Variants in ETS1 observed in about 807,000 individuals in gnomAD.
ETS1 encodes the protein ETS proto-oncogene 1, transcription factor.
ETS1 carries 15 observed loss-of-function variants against 58.6 expected under a neutral mutation model. The ratio of observed to expected loss-of-function variants is 0.26; its 90% confidence interval spans 0.17 to 0.39. The LOEUF (loss-of-function observed/expected upper bound fraction) is 0.39. Among genes scored for constraint, ETS1 ranks in the 10% least tolerant of loss-of-function variants. The pLI is 1.00. For synonymous variants in ETS1, 214 were observed against 218.2 expected, an observed-to-expected ratio of 0.98 and a Z score of 0.17; for missense variants, 417 against 610.5, an observed-to-expected ratio of 0.68 and a Z score of 3.34.
chr11:128,550,387 T>C (rs1423986865), intron 3 of ETS1, among the ~76,000 whole-genome samples: 2 of 152,188 alleles, frequency 1.3e-5, no homozygotes, highest in African/African-American at 4.8e-5. Context: ...CCACAGCTGA[T>C]CAGAGGCATG....
rs1282118020 is a variant in ETS1 at position 128,473,960 on chromosome 11, A to C, written c.1123+6231T>G. Among the ~76,000 whole-genome samples the C allele has an allele frequency of 2.0e-5, 3 of 152,256 alleles. No homozygotes were observed. The East Asian group carries it at 5.8e-4, about 29-fold the overall frequency. On this transcript the variant is annotated intron_variant, in intron 8 of 9. Transcript: ENST00000392668. ...GCAGCACGCTGGCTGCATTCTGCTCAGTGGAAACATTTTGCTTCCTCCAAA... is the reference window on the plus strand; with the variant it reads ...GCAGCACGCTGGCTGCATTCTGCTCCGTGGAAACATTTTGCTTCCTCCAAA...
chr11:128,539,233 C>T (rs111911882), intron 3 of ETS1, among the ~76,000 whole-genome samples: 1,726 of 152,280 alleles, frequency 0.011, 28 homozygotes, highest in African/African-American at 0.04. Context: ...TATGGTGCTG[C>T]AAATTCTAAA....
In ETS1 at chr11:128,484,839, C is replaced by T. The variant is rs1862582056; in HGVS notation, c.846G>A (p.Met282Ile). ...ATGACCTACCACGACTGGTCCTCCC[C>T]ATGCACATGTTGTCTGGGGTGACGA... is the stretch of plus-strand genomic sequence containing the variant. ...QEVVTPDNMC[M>I]GRTSRGKLGG... The change falls in exon 7 of 10, where the codon ATG (methionine) becomes ATA (isoleucine). Residue 282 changes from methionine (M) to isoleucine (I), a missense_variant. Met to Ile is a conservative substitution (Grantham distance 10). Around this residue, in one of 4 missense-constraint regions of ETS1, gnomAD observed 139 missense variants for 152.1 expected, o/e 0.91. Transcript: ENST00000392668. 6.2e-7 allele frequency: 1 copy of T among 1,613,882 alleles called. No individual in the cohort carries two copies. Among genetic ancestry groups the T allele is most frequent in the African/African-American group, 1.3e-5 (1 of 74,920 alleles).
chr11:128,482,594 C>T (rs899888367), intron 7 of ETS1, among the ~76,000 whole-genome samples: 1 of 152,266 alleles, frequency 6.6e-6, no homozygotes, highest in South Asian at 2.1e-4. Context: ...GCAAATGCAA[C>T]CCTGTTGAGA....
At chr11:128,559,297 G>A (rs1331038823) in intron 2 of ETS1, among the ~76,000 whole-genome samples, 1 of 152,210 alleles carries the variant, frequency 6.6e-6, no homozygotes, top group African/African-American at 2.4e-5. Flanking sequence ...GGACAGAGAA[G>A]GTAGATAATC....
At position 128,480,347 on chromosome 11, in the gene ETS1, G is replaced by A. The variant is rs1407325737; in HGVS notation, c.967C>T (p.Arg323Cys). ...SSQSSFNSLQ[R>C]VPSYDSFDSE... ...TCGAAGCTGTCATAGGAGGGAACAC[G>A]CTGCAGGCTGTTGAAAGATGACTGG... The change falls in exon 8 of 10, where the codon CGT becomes TGT. Residue 323 changes from arginine to cysteine, a missense_variant. Physicochemically the swap from Arg to Cys is radical, Grantham distance 180. Transcript: ENST00000392668. The A allele has an allele frequency of 3.7e-6, 6 of 1,614,110 alleles. No homozygotes were observed. Among genetic ancestry groups the A allele is most frequent in the Non-Finnish European group, 5.1e-6 (6 of 1,179,990 alleles).
intron 2 of ETS1, among the ~76,000 whole-genome samples, chr11:128,559,134 T>G (rs1864363618): frequency 6.6e-6 from 1 of 152,186 alleles, no homozygotes; most frequent in Admixed American, 6.5e-5. Context: ...AGACAGGTAG[T>G]TTGTTACAGG....
At chr11:128,490,691 T>A in intron 3 of ETS1, 115 bp from the exon 4 acceptor site, 10 of 653,766 alleles carry the variant, frequency 1.5e-5, no homozygotes, top group Non-Finnish European at 2.3e-5. Flanking sequence ...GCTAGCATCC[T>A]CACCAGAGCA....
At chr11:128,489,250 C>G (rs1301879158) in intron 5 of ETS1, 40 bp downstream of exon 5, 2 of 1,581,098 alleles carry the variant, frequency 1.3e-6, no homozygotes, top group Non-Finnish European at 1.7e-6. Context: ...TCACAGCAAC[C>G]CCACATAACC....
chr11:128,570,575 GT>G (rs1864606824), intron 2 of ETS1, among the ~76,000 whole-genome samples: 1 of 152,048 alleles, frequency 6.6e-6, no homozygotes, highest in South Asian at 2.1e-4. Context: ...ATATTAATCT[GT>G]TTTAATTTGA....
intron 2 of ETS1, among the ~76,000 whole-genome samples, chr11:128,563,615 T>C (rs369190219): frequency 4.4e-4 from 67 of 152,296 alleles, no homozygotes; most frequent in Middle Eastern, 3.4e-3. Flanking sequence ...CAACCTTCAT[T>C]GGATAAACAG....
At chr11:128,567,611 G>GTTTTGTTTTCGT (rs1864530674) in intron 2 of ETS1, among the ~76,000 whole-genome samples, 4 of 147,510 alleles carry the variant, frequency 2.7e-5, no homozygotes, top group African/African-American at 1.0e-4. Flanking sequence ...TGTTTTTTGG[G>GTTTTGTTTTCGT]TTTTGTTTTT....
chr11:128,570,238 CTT>C (rs200310590), intron 2 of ETS1, among the ~76,000 whole-genome samples: 30 of 135,444 alleles, frequency 2.2e-4, no homozygotes, highest in Middle Eastern at 3.7e-3. Context: ...TTTTCTTTTC[CTT>C]TTTTTTTTTT....
intron 8 of ETS1, among the ~76,000 whole-genome samples, chr11:128,466,024 T>C (rs1409322170): frequency 1.3e-5 from 2 of 152,102 alleles, no homozygotes; most frequent in Admixed American, 1.3e-4. Flanking sequence ...CCTGACTGAG[T>C]GCAATGTTCC....
chr11:128,519,235 T>A lies in ETS1; in HGVS notation c.215-28659A>T, dbSNP rs528717489. Among the ~76,000 whole-genome samples, 9 of 152,112 alleles carry A rather than the reference T, an allele frequency of 5.9e-5. No individual in the cohort carries two copies. The South Asian group carries it at 1.9e-3, about 32-fold the overall frequency. On this transcript the variant is annotated intron_variant, in intron 3 of 9. Coordinates refer to ENST00000392668, the MANE Select transcript of ETS1 (RefSeq NM_001143820.2). ...ACTCCTGTGAAGTCTCAAAATAGAATAAAAGTGCATAAAGGTTCTTGGTCA... is the reference window on the plus strand; with the variant it reads ...ACTCCTGTGAAGTCTCAAAATAGAAAAAAAGTGCATAAAGGTTCTTGGTCA...
chr11:128,571,154 C>T (rs1672244756), intron 2 of ETS1, among the ~76,000 whole-genome samples: 1 of 151,838 alleles, frequency 6.6e-6, no homozygotes, highest in Non-Finnish European at 1.5e-5. Context: ...TCAGGCTGGG[C>T]GCGGTGGCTC....
At chr11:128,493,720 T>G (rs1862864818) in intron 3 of ETS1, among the ~76,000 whole-genome samples, 1 of 152,192 alleles carries the variant, frequency 6.6e-6, no homozygotes, top group African/African-American at 2.4e-5. Flanking sequence ...AAAAAAAAAG[T>G]CAAACTCCCT....
chr11:128,569,005 C>T (rs996270124), intron 2 of ETS1, among the ~76,000 whole-genome samples: 3 of 152,226 alleles, frequency 2.0e-5, no homozygotes, highest in African/African-American at 7.2e-5. Context: ...AGTCTGTACA[C>T]ACAGTCCCAT....
intron 3 of ETS1, among the ~76,000 whole-genome samples, chr11:128,506,388 G>A (rs1253711162): frequency 6.6e-6 from 1 of 152,218 alleles, no homozygotes; most frequent in Non-Finnish European, 1.5e-5. Flanking sequence ...CCCTCAGGCA[G>A]AGTTTCCCTC....
Sources: allele counts gnomAD v4.1 joint callset (sites outside exome capture counted in the v4.1 genomes callset), GRCh38; gene constraint gnomAD v4.1.1; regional missense constraint gnomAD v4.1.1; transcripts MANE v1.5; gene names NCBI Gene and HGNC (gene_info 2026-07-23, HGNC 2026-07-21).